The following TEX2 variants were observed in gnomAD, a reference collection of about 807,000 sequenced individuals.
The protein encoded by TEX2 is testis-expressed protein 2.
A neutral mutation model predicts 106.9 loss-of-function variants in TEX2; 53 were observed. That is an observed-to-expected ratio of 0.50 (90% CI 0.40 to 0.62). The LOEUF is 0.62. Ranked by LOEUF, TEX2 falls within the 20% of genes least tolerant of loss-of-function variation. TEX2 has a pLI of 0.00. For missense variants in TEX2, 1,207 were observed against 1,379.0 expected (o/e 0.88, Z 1.98); for synonymous variants, 523 against 534.8 (o/e 0.98, Z 0.30).
chr17:64,234,658 C>T (rs1385148238), intron 1 of TEX2, among the ~76,000 whole-genome samples: 1 of 152,134 alleles, frequency 6.6e-6, no homozygotes, highest in Admixed American at 6.5e-5. Context: ...CACCCCTCAG[C>T]TTGTTGGGAG....
At chr17:64,162,586 T>C (rs1458987664) in intron 7 of TEX2, among the ~76,000 whole-genome samples, 2 of 152,238 alleles carry the variant, frequency 1.3e-5, no homozygotes, top group Non-Finnish European at 2.9e-5. Flanking sequence ...GTCTGTTTTT[T>C]AAATGAAGAT....
At chr17:64,234,874 C>G (rs1297603940) in intron 1 of TEX2, among the ~76,000 whole-genome samples, 1 of 152,044 alleles carries the variant, frequency 6.6e-6, no homozygotes, top group African/African-American at 2.4e-5. Context: ...TTATTTATTT[C>G]TTCAGAAAAT....
At position 64,213,336 on chromosome 17, in the gene TEX2, A is replaced by G. The variant is rs782297465; in HGVS notation, c.882T>C (p.Leu294=). 1.2e-6 allele frequency: 2 copies of G among 1,614,066 alleles called. No homozygotes were observed. Among genetic ancestry groups the G allele is most frequent in the East Asian group, 4.5e-5 (2 of 44,888 alleles). ...EAKIEDTKRR[L]SEVIYEPFQL... ...GAAAAGGCTCATAGATGACTTCTGA[A>G]AGGCGTCGTTTAGTATCTTCAATTT... The change falls in exon 2 of 12, where the codon CTT becomes CTC. Residue 294 remains leucine (L), a synonymous_variant. Transcript: ENST00000584379. The surrounding 1 kb of genome is among the most constrained non-coding windows in gnomAD (Gnocchi z 4.4).
At chr17:64,171,604 C>A (rs2031402692) in intron 6 of TEX2, among the ~76,000 whole-genome samples, 1 of 151,958 alleles carries the variant, frequency 6.6e-6, no homozygotes, top group Non-Finnish European at 1.5e-5. Context: ...AAGGAGCCAG[C>A]CATGCTGGTT....
chr17:64,201,276 G>A (rs573522311), intron 2 of TEX2, among the ~76,000 whole-genome samples: 68 of 152,168 alleles, frequency 4.5e-4, no homozygotes, highest in African/African-American at 1.6e-3. Context: ...GTGGCTTACT[G>A]CCCAGTTTCA....
At chr17:64,257,658 TC>T (rs1248207033) in intron 1 of TEX2, among the ~76,000 whole-genome samples, 1 of 152,222 alleles carries the variant, frequency 6.6e-6, no homozygotes, top group Admixed American at 6.5e-5. Context: ...AGTTATCAGA[TC>T]AACTGTCACC....
chr17:64,238,098 G>A (rs1004483430), intron 1 of TEX2, among the ~76,000 whole-genome samples: 3 of 152,030 alleles, frequency 2.0e-5, no homozygotes, highest in Admixed American at 1.3e-4. Context: ...TCAGGAGTTC[G>A]AGACCAGCCT....
chr17:64,199,357 C>A (rs2032583222), intron 2 of TEX2, among the ~76,000 whole-genome samples: 1 of 152,180 alleles, frequency 6.6e-6, no homozygotes, highest in Admixed American at 6.5e-5. Context: ...CTGCCTCAGT[C>A]TCCTGAATAG....
At chr17:64,257,820 A>G (rs1359139674) in intron 1 of TEX2, among the ~76,000 whole-genome samples, 1 of 152,206 alleles carries the variant, frequency 6.6e-6, no homozygotes, top group African/African-American at 2.4e-5. Flanking sequence ...AACTTAGGAA[A>G]GGAAAAAATC....
At chr17:64,199,868 T>C (rs1186836490) in intron 2 of TEX2, among the ~76,000 whole-genome samples, 5 of 152,250 alleles carry the variant, frequency 3.3e-5, no homozygotes, top group African/African-American at 1.2e-4. Context: ...TTGGCTCAAC[T>C]ATGAATAGAA....
In TEX2 at chr17:64,177,346, T is replaced by C. The variant is rs781412059; in HGVS notation, c.2550A>G (p.Gln850=). ...YWSDLVSKKI[Q]MKLSKIKLPY... ...ATACCTTTATTTTGCTGAGTTTCAT[T>C]TGGATCTTCTTAGACACCAGATCAG... Residue 850 remains glutamine, a synonymous_variant, in exon 6 of 12, where the codon CAA becomes CAG. Coordinates refer to ENST00000584379, the MANE Select transcript of TEX2 (RefSeq NM_001288732.2). The C allele has an allele frequency of 6.2e-7, 1 of 1,614,200 alleles. No homozygotes were observed. Among genetic ancestry groups the C allele is most frequent in the Non-Finnish European group, 8.5e-7 (1 of 1,180,030 alleles).
At chr17:64,198,951 A>C (rs2032567393) in intron 2 of TEX2, among the ~76,000 whole-genome samples, 2 of 152,214 alleles carry the variant, frequency 1.3e-5, no homozygotes, top group Admixed American at 6.5e-5. Flanking sequence ...AAAAAAAGAC[A>C]AGTATTATAT....
At chr17:64,164,064 C>T (rs1016610002) in intron 7 of TEX2, among the ~76,000 whole-genome samples, 4 of 152,068 alleles carry the variant, frequency 2.6e-5, no homozygotes, top group Non-Finnish European at 5.9e-5. Context: ...GGCACGCATA[C>T]GAAGGGTCTA....
Position 64,185,650 on chromosome 17 carries a change from A to C in TEX2, c.2424+2518T>G, listed in dbSNP as rs558017325. ...AAAAAAATTTCATCAGAGGCCAGGCACAGTGGCTCACGCTGTAATTCCACC... is the reference window on the plus strand; with the variant it reads ...AAAAAAATTTCATCAGAGGCCAGGCCCAGTGGCTCACGCTGTAATTCCACC... On this transcript the variant is annotated intron_variant, in intron 5 of 11. Transcript: ENST00000584379. The surrounding 1 kb of genome is among the most constrained non-coding windows in gnomAD (Gnocchi z 4.0). 2.4e-4 allele frequency among the ~76,000 whole-genome samples: 36 copies of C among 152,308 alleles called. No individual in the cohort carries two copies. Among genetic ancestry groups the C allele is most frequent in the African/African-American group, 8.4e-4 (35 of 41,564 alleles).
At chr17:64,224,555 T>C (rs1055583789) in intron 1 of TEX2, among the ~76,000 whole-genome samples, 1 of 152,136 alleles carries the variant, frequency 6.6e-6, no homozygotes, top group Non-Finnish European at 1.5e-5. Context: ...AGACTCTATC[T>C]TCATCACTGG....
intron 10 of TEX2, 31 bp downstream of exon 10, chr17:64,152,914 C>T: frequency 6.2e-7 from 1 of 1,600,192 alleles, no homozygotes; most frequent in Non-Finnish European, 8.5e-7. Context: ...TAGGAGGAAT[C>T]ACTTATTGTC....
intron 1 of TEX2, among the ~76,000 whole-genome samples, chr17:64,257,515 G>A (rs2034205702): frequency 6.6e-6 from 1 of 152,210 alleles, no homozygotes; most frequent in African/African-American, 2.4e-5. Flanking sequence ...GTTTTAAACT[G>A]CATGCCATTC....
chr17:64,195,792 G>A lies in TEX2; in HGVS notation c.1645-697C>T, dbSNP rs2032448827. Among the ~76,000 whole-genome samples, 2 of 152,198 alleles carry A rather than the reference G, an allele frequency of 1.3e-5. No individual in the cohort carries two copies. Among genetic ancestry groups the A allele is most frequent in the South Asian group, 4.1e-4 (2 of 4,832 alleles). ...TTTTTAAAAGAGCCAACACTGAAAT[G>A]TATGACAAAAAATACATACACAAAA... On this transcript the variant is annotated intron_variant, in intron 2 of 11. Coordinates refer to ENST00000584379, the MANE Select transcript of TEX2 (RefSeq NM_001288732.2). This position sits in a 1 kb window ranked among gnomAD's most constrained non-coding sequence, Gnocchi z 4.1.
At chr17:64,233,332 G>C (rs551674393) in intron 1 of TEX2, among the ~76,000 whole-genome samples, 1 of 152,278 alleles carries the variant, frequency 6.6e-6, no homozygotes, top group South Asian at 2.1e-4. Context: ...CCAGCACTTT[G>C]GGAGGCCAAG....
Sources: gnomAD v4.1 joint callset for allele counts (sites outside exome capture counted in the v4.1 genomes callset) on GRCh38, gnomAD v4.1.1 for gene constraint, Gnocchi (gnomAD v3.1) non-coding constraint, MANE v1.5 for transcripts, NCBI Gene and HGNC (gene_info 2026-07-23, HGNC 2026-07-21) for gene names.